The following CAPN13 variants were observed in gnomAD, a reference collection of about 807,000 sequenced individuals.
CAPN13 encodes calpain 13, also known as calpain-13.
In CAPN13, 90 loss-of-function variants were observed where a neutral mutation model predicts 98.4. The ratio of observed to expected loss-of-function variants is 0.92; its 90% CI spans 0.77 to 1.09. The LOEUF (loss-of-function observed/expected upper bound fraction) is 1.09, where lower values mean the gene tolerates loss of function less well. CAPN13 is among the 50% of genes least tolerant of loss of function. The pLI is 0.00. For synonymous variants in CAPN13, 330 were observed against 305.5 expected, an observed-to-expected ratio of 1.08 and a Z score of -0.84; for missense variants, 887 against 841.3, an observed-to-expected ratio of 1.05 and a Z score of -0.67.
intron 17 of CAPN13, 104 bp downstream of exon 17, chr2:30,738,131 T>C (rs1671467412): frequency 1.7e-6 from 2 of 1,191,142 alleles, no homozygotes; most frequent in Non-Finnish European, 2.5e-6. Context: ...GAAGAGAAAA[T>C]ACTGAGTGGG....
At chr2:30,738,877 T>TGTG (rs58150168) in intron 15 of CAPN13, among the ~76,000 whole-genome samples, 6 of 76,982 alleles carry the variant, frequency 7.8e-5, no homozygotes, top group African/African-American at 2.9e-4. Flanking sequence ...TGTGTGTGTG[T>TGTG]TGTGTGTATG....
At chr2:30,730,139 G>A (rs1199980904) in intron 22 of CAPN13, among the ~76,000 whole-genome samples, 1 of 152,200 alleles carries the variant, frequency 6.6e-6, no homozygotes, top group Non-Finnish European at 1.5e-5. Context: ...AAGAATTCTA[G>A]AAGACTGATG....
intron 5 of CAPN13, among the ~76,000 whole-genome samples, chr2:30,769,452 G>A (rs1363757283): frequency 6.6e-6 from 1 of 152,230 alleles, no homozygotes; most frequent in Middle Eastern, 3.4e-3. Context: ...TATTGATTAT[G>A]GAAAGTTTGA....
intron 1 of CAPN13, among the ~76,000 whole-genome samples, chr2:30,801,344 G>A (rs185303135): frequency 1.2e-3 from 183 of 152,124 alleles, no homozygotes; most frequent in African/African-American, 4.3e-3. Context: ...TACTGGGCAC[G>A]GTGGCTCATG....
intron 18 of CAPN13, among the ~76,000 whole-genome samples, chr2:30,736,118 C>A (rs1476756487): frequency 6.6e-6 from 1 of 151,624 alleles, no homozygotes; most frequent in African/African-American, 2.4e-5. Context: ...AATGGGGAGG[C>A]CACATTGAGG....
chr2:30,726,870 A>G (rs1272358283), intron 22 of CAPN13, among the ~76,000 whole-genome samples: 1 of 152,192 alleles, frequency 6.6e-6, no homozygotes, highest in Non-Finnish European at 1.5e-5. Context: ...TGTAAATGCA[A>G]GGAACCCAGA....
intron 1 of CAPN13, among the ~76,000 whole-genome samples, chr2:30,798,962 G>A (rs1216528821): frequency 6.6e-6 from 1 of 152,156 alleles, no homozygotes; most frequent in African/African-American, 2.4e-5. Flanking sequence ...TTAACACATC[G>A]AGAATAATTT....
At position 30,802,549 on chromosome 2, in the gene CAPN13, G is replaced by A. The variant is rs867596180; in HGVS notation, c.-33+4753C>T. Reference sequence around the variant, plus strand: ...AAGCAGAGAAAGGCAGGCTGGGGGGGGGGGGTGGTGGTTAGACCTCTGAGG... The same window carrying A: ...AAGCAGAGAAAGGCAGGCTGGGGGGAGGGGGTGGTGGTTAGACCTCTGAGG... On this transcript the variant is annotated intron_variant, in intron 1 of 22. Coordinates refer to ENST00000295055, the MANE Select transcript of CAPN13 (RefSeq NM_144575.3). Among the ~76,000 whole-genome samples the A allele has an allele frequency of 8.6e-4, 130 of 150,424 alleles. 2 individuals are homozygous for A. The highest frequency in any genetic ancestry group is 1.3e-3 in the Non-Finnish European group (91 of 67,576).
intron 1 of CAPN13, among the ~76,000 whole-genome samples, chr2:30,790,118 C>T (rs1311945908): frequency 6.6e-6 from 1 of 152,224 alleles, no homozygotes; most frequent in African/African-American, 2.4e-5. Context: ...TTGCTCTTGG[C>T]TTCGCCAGGG....
intron 1 of CAPN13, among the ~76,000 whole-genome samples, chr2:30,792,980 T>A (rs988537067): frequency 1.3e-5 from 2 of 151,882 alleles, no homozygotes; most frequent in Admixed American, 6.6e-5. Flanking sequence ...TGATAAAAAC[T>A]GTTAGAAAAC....
chr2:30,782,080 A>G (rs1475310945), intron 2 of CAPN13, among the ~76,000 whole-genome samples: 1 of 152,090 alleles, frequency 6.6e-6, no homozygotes, highest in Non-Finnish European at 1.5e-5. Flanking sequence ...AGCTCTTGTA[A>G]TGCAAGGGCT....
chr2:30,747,527 C>T (rs991828750), intron 11 of CAPN13, among the ~76,000 whole-genome samples: 1 of 152,214 alleles, frequency 6.6e-6, no homozygotes, highest in Non-Finnish European at 1.5e-5. Flanking sequence ...GATGAAATGG[C>T]TCATCCACCC....
At chr2:30,803,537 T>C (rs1318696713) in intron 1 of CAPN13, among the ~76,000 whole-genome samples, 3 of 152,160 alleles carry the variant, frequency 2.0e-5, no homozygotes, top group Non-Finnish European at 2.9e-5. Flanking sequence ...CTGCTCCCAA[T>C]TTTAAAGGTC....
chr2:30,783,271 G>T (rs1212091018), intron 2 of CAPN13, among the ~76,000 whole-genome samples: 1 of 152,136 alleles, frequency 6.6e-6, no homozygotes, highest in Non-Finnish European at 1.5e-5. Flanking sequence ...ATAATCTTTA[G>T]CACTGTCCCT....
chr2:30,739,722 T>C (rs1671557281), intron 15 of CAPN13, among the ~76,000 whole-genome samples: 1 of 152,136 alleles, frequency 6.6e-6, no homozygotes, highest in South Asian at 2.1e-4. Context: ...TTTTCCTCCA[T>C]ATTCCCATGT....
intron 4 of CAPN13, among the ~76,000 whole-genome samples, chr2:30,772,723 T>C (rs116082284): frequency 0.013 from 2,023 of 152,286 alleles, 50 homozygotes; most frequent in African/African-American, 0.047. Flanking sequence ...TAGAAGGATA[T>C]AGGTCTTCAG....
intron 7 of CAPN13, among the ~76,000 whole-genome samples, chr2:30,761,505 T>C (rs934099841): frequency 2.0e-5 from 3 of 152,152 alleles, no homozygotes; most frequent in African/African-American, 7.2e-5. Flanking sequence ...CTGCGGGGAC[T>C]CATGCTCCAA....
At chr2:30,798,814 A>G (rs1675023127) in intron 1 of CAPN13, among the ~76,000 whole-genome samples, 1 of 152,222 alleles carries the variant, frequency 6.6e-6, no homozygotes, top group African/African-American at 2.4e-5. Flanking sequence ...AAAACCCATT[A>G]CTAATTCCAC....
At chr2:30,771,015 C>T (rs1356345651) in intron 4 of CAPN13, among the ~76,000 whole-genome samples, 2 of 152,204 alleles carry the variant, frequency 1.3e-5, no homozygotes, top group Non-Finnish European at 2.9e-5. Context: ...CAGTGACAGC[C>T]TCCCTCTGGC....
Sources: allele counts gnomAD v4.1 joint callset (sites outside exome capture counted in the v4.1 genomes callset), GRCh38; gene constraint gnomAD v4.1.1; transcripts MANE v1.5; gene names NCBI Gene and HGNC (gene_info 2026-07-23, HGNC 2026-07-21).